UCK2: variants seen among roughly 807,000 people sequenced by gnomAD.
UCK2 encodes cytidine monophosphokinase 2.
Under a neutral mutation model 30.8 loss-of-function variants are expected in UCK2, and 6 were observed. The ratio of observed to expected loss-of-function variants is 0.19; its 90% confidence interval spans 0.11 to 0.38. The LOEUF is 0.38. UCK2 is among the 10% of genes least tolerant of loss of function. UCK2 has a pLI of 1.00. For missense variants in UCK2, 210 were observed against 339.8 expected, an observed-to-expected ratio of 0.62 and a Z score of 3.00; for synonymous variants, 125 against 133.6, an observed-to-expected ratio of 0.94 and a Z score of 0.45.
At chr1:165,886,220 A>G (rs1655609603) in intron 1 of UCK2, among the ~76,000 whole-genome samples, 1 of 152,126 alleles carries the variant, frequency 6.6e-6, no homozygotes, top group Admixed American at 6.5e-5. Context: ...CCCATTTTAG[A>G]TTTCTATAGG....
chr1:165,880,297 T>C (rs1302737656), intron 1 of UCK2, among the ~76,000 whole-genome samples: 2 of 152,204 alleles, frequency 1.3e-5, no homozygotes, highest in Non-Finnish European at 2.9e-5. Context: ...TTATCTTTGC[T>C]CAGTAAACAG....
rs1373696645 is a variant in UCK2, at chr1:165,909,607, A to C, written c.*1784A>C. The C allele has an allele frequency of 1.1e-4, 17 of 152,280 alleles. No homozygotes were observed. Among genetic ancestry groups the C allele is most frequent in the Admixed American group, 1.1e-3 (17 of 15,292 alleles). The allele number at this position is 152,280 out of a possible 1,614,324, so 9.4% of individuals were successfully genotyped here. On this transcript the variant is annotated 3_prime_UTR_variant, in exon 7 of 7. Coordinates refer to ENST00000367879, the MANE Select transcript of UCK2 (RefSeq NM_012474.5). ...CCCGGAGACTTTCAGGAGACCGTGC[A>C]GGCTCTGAAGGGAGCTCCCAGTCAC...
chr1:165,880,225 T>C (rs557398414), intron 1 of UCK2, among the ~76,000 whole-genome samples: 1 of 152,354 alleles, frequency 6.6e-6, no homozygotes, highest in East Asian at 1.9e-4. Flanking sequence ...TTTCGTTTTG[T>C]GTCTCATACC....
chr1:165,890,948 T>C lies in UCK2; in HGVS notation c.260-278T>C, dbSNP rs1571295155. The C allele has an allele frequency of 1.0e-5, 4 of 381,090 alleles. No homozygotes were observed. In the East Asian group the frequency reaches 2.5e-4, roughly 23 times the overall value. The allele number at this position is 381,090 out of a possible 1,614,324, so 23.6% of individuals were successfully genotyped here. On this transcript the variant is annotated intron_variant, in intron 2 of 6. Coordinates refer to ENST00000367879, the MANE Select transcript of UCK2 (RefSeq NM_012474.5). ...GTGCCAATCCTAGGATGATAACAGCTAAACTTGGAGAGGGGAAAGAACTGA... is the reference window on the plus strand; with the variant it reads ...GTGCCAATCCTAGGATGATAACAGCCAAACTTGGAGAGGGGAAAGAACTGA...
At chr1:165,881,182 T>TAAAAAAAAAAA (rs56886913) in intron 1 of UCK2, among the ~76,000 whole-genome samples, 3 of 92,838 alleles carry the variant, frequency 3.2e-5, no homozygotes, top group Admixed American at 1.3e-4. Flanking sequence ...CAATAAAACT[T>TAAAAAAAAAAA]AAAAAAAAAA....
intron 1 of UCK2, among the ~76,000 whole-genome samples, chr1:165,858,005 A>T (rs1318123759): frequency 1.3e-5 from 2 of 152,100 alleles, no homozygotes; most frequent in African/African-American, 4.8e-5. Context: ...TAGAATTAGC[A>T]CTCTGAGAAA....
At chr1:165,884,424 C>G (rs1655571630) in intron 1 of UCK2, among the ~76,000 whole-genome samples, 1 of 152,226 alleles carries the variant, frequency 6.6e-6, no homozygotes, top group Non-Finnish European at 1.5e-5. Context: ...GCATGGTTAT[C>G]TGGTCTTCTT....
chr1:165,860,685 A>G (rs1407008868), intron 1 of UCK2, among the ~76,000 whole-genome samples: 1 of 152,146 alleles, frequency 6.6e-6, no homozygotes, highest in Non-Finnish European at 1.5e-5. Flanking sequence ...CCTGAGCTCA[A>G]GTGATTCATA....
chr1:165,903,031 G>C (rs1647533275), intron 4 of UCK2, 151 bp from the exon 5 acceptor site: 2 of 571,084 alleles, frequency 3.5e-6, no homozygotes, highest in African/African-American at 3.7e-5. Flanking sequence ...AGCCGCTGCT[G>C]ATCTGCTCTT....
rs561177254 is a variant in UCK2 at position 165,885,472 on chromosome 1, A to G, written c.100-4732A>G. The G allele has an allele frequency of 4.2e-3, 1,673 of 396,572 alleles. 16 individuals are homozygous for G. Among genetic ancestry groups the G allele is most frequent in the Non-Finnish European group, 3.9e-3 (886 of 224,876 alleles). The allele number at this position is 396,572 out of a possible 1,614,324, so 24.6% of individuals were successfully genotyped here. On this transcript the variant is annotated intron_variant, in intron 1 of 6. Transcript: ENST00000367879. ...AATACCTTGTATTGACCTTCACCTA[A>G]CTTTGTATTTGGACAACACCCAACA...
chr1:165,848,491 G>A (rs1462535483), intron 1 of UCK2, among the ~76,000 whole-genome samples: 1 of 152,118 alleles, frequency 6.6e-6, no homozygotes, highest in Non-Finnish European at 1.5e-5. Flanking sequence ...AATTAGCCGG[G>A]TATATTGGCG....
intron 1 of UCK2, among the ~76,000 whole-genome samples, chr1:165,876,078 T>G (rs1407362619): frequency 6.6e-6 from 1 of 152,192 alleles, no homozygotes; most frequent in Non-Finnish European, 1.5e-5. Context: ...TTGAAAACCA[T>G]TATAAATCAT....
At chr1:165,883,328 T>C (rs1571290344) in intron 1 of UCK2, among the ~76,000 whole-genome samples, 1 of 152,192 alleles carries the variant, frequency 6.6e-6, no homozygotes, top group South Asian at 2.1e-4. Context: ...GCAGTCTGTG[T>C]GCCCAGCTAA....
chr1:165,902,201 A>G (rs988694827), intron 4 of UCK2, among the ~76,000 whole-genome samples: 7 of 152,054 alleles, frequency 4.6e-5, no homozygotes, highest in African/African-American at 1.7e-4. Context: ...GCGCCACTGC[A>G]CTCCAGCCTG....
chr1:165,871,204 C>T (rs1655188317), intron 1 of UCK2, among the ~76,000 whole-genome samples: 2 of 152,084 alleles, frequency 1.3e-5, no homozygotes, highest in Admixed American at 1.3e-4. Flanking sequence ...ACCCATTTCT[C>T]ATGGTATGGA....
At position 165,902,592 on chromosome 1, in the gene UCK2, A is replaced by ATTTTTTTTTTTTTTTTTTTTTTTT. The variant is rs386368582; in HGVS notation, c.500-586_500-563dup. On this transcript the variant is annotated intron_variant, in intron 4 of 6. Transcript: ENST00000367879. ...TGGTTTTCTTATCTTTCACTGAGTGATTTTTTTTTTTTTTTTTTTTTTTTT... is the reference window on the plus strand; with the variant it reads ...TGGTTTTCTTATCTTTCACTGAGTGATTTTTTTTTTTTTTTTTTTTTTTTTTTTTTTTTTTTTTTTTTTTTTTTT... 2.2e-4 allele frequency: 10 copies of ATTTTTTTTTTTTTTTTTTTTTTTT among 45,758 alleles called. 4 individuals carry two copies. The highest frequency in any genetic ancestry group is 3.1e-4 in the Non-Finnish European group (8 of 26,110). The allele number at this position is 45,758 out of a possible 1,614,324, so 2.8% of individuals were successfully genotyped here. A position where few individuals can be genotyped will look rare whatever the true frequency, so the allele number is the denominator to read the frequency against.
chr1:165,867,957 C>T lies in UCK2; in HGVS notation c.100-22247C>T, dbSNP rs114978090. On this transcript the variant is annotated intron_variant, in intron 1 of 6. Coordinates refer to ENST00000367879, the MANE Select transcript of UCK2 (RefSeq NM_012474.5). ...CATCACTATGGCAGCTGTAGCCTTA[C>T]GAAATGTATTTCTTAAATAATAACT... Among the ~76,000 whole-genome samples the T allele has an allele frequency of 2.7e-3, 410 of 152,280 alleles. 1 individual carries two copies. The highest frequency in any genetic ancestry group is 8.5e-3 in the African/African-American group (352 of 41,560).
At chr1:165,907,240 A>T (rs1647694179) in intron 6 of UCK2, among the ~76,000 whole-genome samples, 1 of 152,162 alleles carries the variant, frequency 6.6e-6, no homozygotes, top group African/African-American at 2.4e-5. Context: ...AGCTCTCTGC[A>T]TTATATTTTT....
At chr1:165,848,642 ACACACACACACACACACC>A (rs1654511229) in intron 1 of UCK2, among the ~76,000 whole-genome samples, 1 of 150,062 alleles carries the variant, frequency 6.7e-6, no homozygotes, top group South Asian at 2.2e-4. Context: ...TCCAAACAAA[ACACACACACACACACACC>A]CACACACACA....
Sources: gnomAD v4.1 joint callset for allele counts (sites outside exome capture counted in the v4.1 genomes callset) on GRCh38, gnomAD v4.1.1 for gene constraint, MANE v1.5 for transcripts, NCBI Gene and HGNC (gene_info 2026-07-23, HGNC 2026-07-21) for gene names.